PACS2: variants seen among roughly 807,000 people sequenced by gnomAD.
PACS2 encodes phosphofurin acidic cluster sorting protein 2.
PACS2 carries 36 observed loss-of-function variants against 113.0 expected under a neutral mutation model. The ratio of observed to expected loss-of-function variants is 0.32; its 90% CI spans 0.24 to 0.42. The LOEUF (loss-of-function observed/expected upper bound fraction) is 0.42. Ranked by LOEUF, PACS2 falls within the 10% of genes least tolerant of loss-of-function variation. PACS2 has a pLI of 1.00. For synonymous variants in PACS2, 589 were observed against 536.1 expected (o/e 1.10, Z -1.36); for missense variants, 1,015 against 1,239.5 (o/e 0.82, Z 2.72).
chr14:105,304,241 C>G (rs146465914), intron 1 of PACS2, among the ~76,000 whole-genome samples: 3 of 152,146 alleles, frequency 2.0e-5, no homozygotes, highest in Non-Finnish European at 4.4e-5. Flanking sequence ...ACTGTAATCC[C>G]AGCACTTTGG....
chr14:105,368,594 C>T, intron 7 of PACS2, 55 bp downstream of exon 7: 1 of 1,356,414 alleles, frequency 7.4e-7, no homozygotes, highest in Non-Finnish European at 1.1e-6. Flanking sequence ...GGGGAGGACG[C>T]TGGGAGCCTG....
chr14:105,394,145 C>T (rs1426282429), intron 24 of PACS2: 7 of 971,040 alleles, frequency 7.2e-6, no homozygotes, highest in African/African-American at 5.3e-5. Context: ...GTCAGATGAC[C>T]TCCAGGTCGA....
At chr14:105,303,310 C>A (rs2058090536) in intron 1 of PACS2, among the ~76,000 whole-genome samples, 1 of 152,186 alleles carries the variant, frequency 6.6e-6, no homozygotes, top group South Asian at 2.1e-4. Context: ...GTGGTGCGAT[C>A]TTGGCTCACT....
chr14:105,374,709 C>T lies in PACS2; in HGVS notation c.802-2059C>T, dbSNP rs376838861. 3 of 152,180 alleles carry T rather than the reference C, an allele frequency of 2.0e-5. No individual in the cohort carries two copies. The East Asian group carries it at 5.8e-4, about 29-fold the overall frequency. The allele number at this position is 152,180 out of a possible 1,614,324, so 9.4% of individuals were successfully genotyped here. ...CCCTGACCAGCTGCAATGTAAAATCCCTGGAGGTGTGTGCTGGCTTATGAG... is the reference window on the plus strand; with the variant it reads ...CCCTGACCAGCTGCAATGTAAAATCTCTGGAGGTGTGTGCTGGCTTATGAG... On this transcript the variant is annotated intron_variant, in intron 8 of 24. Coordinates refer to ENST00000447393, the MANE Select transcript of PACS2 (RefSeq NM_001100913.3).
chr14:105,362,926 A>G (rs1220850793), intron 4 of PACS2, among the ~76,000 whole-genome samples: 2 of 152,244 alleles, frequency 1.3e-5, no homozygotes, highest in South Asian at 2.1e-4. Flanking sequence ...GTGAGCAGCC[A>G]TGAAAACAAC....
intron 1 of PACS2, among the ~76,000 whole-genome samples, chr14:105,331,371 T>C (rs2059297258): frequency 6.6e-6 from 1 of 152,210 alleles, no homozygotes; most frequent in South Asian, 2.1e-4. Flanking sequence ...CTCTCCTAAG[T>C]TTTGTTATTT....
At chr14:105,304,512 T>TAAA (rs1256720244) in intron 1 of PACS2, among the ~76,000 whole-genome samples, 2 of 151,758 alleles carry the variant, frequency 1.3e-5, no homozygotes, top group Admixed American at 6.6e-5. Context: ...TAAAATAAAA[T>TAAA]AAAATATAAA....
chr14:105,327,549 G>A (rs895793281), intron 1 of PACS2, among the ~76,000 whole-genome samples: 6 of 152,100 alleles, frequency 3.9e-5, no homozygotes, highest in South Asian at 2.1e-4. Flanking sequence ...TGCCGCTAGC[G>A]CTCGGAGCCT....
At chr14:105,307,124 C>T (rs1431304124) in intron 1 of PACS2, among the ~76,000 whole-genome samples, 4 of 151,578 alleles carry the variant, frequency 2.6e-5, no homozygotes, top group South Asian at 2.1e-4. Flanking sequence ...AGCTCACTGT[C>T]GTCTCAAACT....
At chr14:105,309,656 C>G (rs150756559), upstream of PACS2, among the ~76,000 whole-genome samples, 1 of 152,080 alleles carries the variant, frequency 6.6e-6, no homozygotes, top group African/African-American at 2.4e-5. This position sits in a 1 kb window ranked among gnomAD's most constrained non-coding sequence, Gnocchi z 4.0. Flanking sequence ...GAGGGAGCTG[C>G]GCTGCCTGCG....
intron 7 of PACS2, 74 bp from the exon 8 acceptor site, chr14:105,369,767 G>T: frequency 2.2e-6 from 3 of 1,347,330 alleles, no homozygotes; most frequent in Non-Finnish European, 3.1e-6. Context: ...TGCGGCCTGG[G>T]CCTGAGGAAG....
chr14:105,327,099 C>T (rs1443154559), intron 1 of PACS2, among the ~76,000 whole-genome samples: 13 of 152,208 alleles, frequency 8.5e-5, no homozygotes, highest in Admixed American at 7.9e-4. Context: ...TCAGGTCCAG[C>T]GTCGCTGTCT....
At chr14:105,314,002 A>ACGC (rs910007434), upstream of PACS2, among the ~76,000 whole-genome samples, 84 of 152,378 alleles carry the variant, frequency 5.5e-4, no homozygotes, top group Non-Finnish European at 2.9e-5. Flanking sequence ...CCTGAGCACA[A>ACGC]CGCTGAAAAG....
At chr14:105,347,610 C>T (rs912225731) in intron 1 of PACS2, among the ~76,000 whole-genome samples, 5 of 152,210 alleles carry the variant, frequency 3.3e-5, no homozygotes, top group African/African-American at 9.6e-5. Flanking sequence ...AGCCTGAAGC[C>T]GGGCAGGGCA....
chr14:105,388,463 G>T (rs1555414108), intron 19 of PACS2, among the ~76,000 whole-genome samples: 1 of 152,250 alleles, frequency 6.6e-6, no homozygotes, highest in Non-Finnish European at 1.5e-5. Flanking sequence ...GGTCCTGGGA[G>T]CTGGTGCTCC....
rs1431595528 is a variant in PACS2 at position 105,328,207 on chromosome 14, A to G, written c.119+13170A>G. On this transcript the variant is annotated intron_variant, in intron 1 of 24. Coordinates refer to ENST00000447393, the MANE Select transcript of PACS2 (RefSeq NM_001100913.3). ...GAGGGGTGCAGTTCTTAAAGGACAC[A>G]TGGCTTATGCCACACCCCCTGCCCC... is the stretch of plus-strand genomic sequence containing the variant. Among the ~76,000 whole-genome samples, 4 of 152,206 alleles carry G rather than the reference A, an allele frequency of 2.6e-5. No individual in the cohort carries two copies. In the East Asian group the frequency reaches 7.7e-4, roughly 29 times the overall value.
chr14:105,335,852 C>T (rs1206369200), intron 1 of PACS2, among the ~76,000 whole-genome samples: 1 of 152,230 alleles, frequency 6.6e-6, no homozygotes, highest in Non-Finnish European at 1.5e-5. Flanking sequence ...AGCCTTGGGA[C>T]GGGCTGGGTG....
chr14:105,389,648 A>G, intron 19 of PACS2: 1 of 406,548 alleles, frequency 2.5e-6, no homozygotes, highest in East Asian at 4.3e-5. Flanking sequence ...CTAGGATGGC[A>G]GAGTGAATCC....
intron 19 of PACS2, 81 bp from the exon 20 acceptor site, chr14:105,389,880 T>C (rs1405578322): frequency 7.6e-7 from 1 of 1,318,322 alleles, no homozygotes; most frequent in Non-Finnish European, 1.1e-6. Flanking sequence ...TGCGCCAGGT[T>C]CTCAGGCCAA....
Sources: allele counts gnomAD v4.1 joint callset (sites outside exome capture counted in the v4.1 genomes callset), GRCh38; gene constraint gnomAD v4.1.1; non-coding constraint Gnocchi (gnomAD v3.1); transcripts MANE v1.5; gene names NCBI Gene and HGNC (gene_info 2026-07-23, HGNC 2026-07-21).